Variants in TBC1D26 observed in about 807,000 individuals in gnomAD.
TBC1D26 encodes TBC1 domain family, member 26.
TBC1D26 carries 19 observed loss-of-function variants against 42.5 expected under a neutral mutation model. The ratio of observed to expected loss-of-function variants is 0.45; its 90% confidence interval spans 0.31 to 0.66. TBC1D26 has a LOEUF of 0.66. Among genes scored for constraint, TBC1D26 ranks in the 30% least tolerant of loss-of-function variants. The pLI, the probability that TBC1D26 is intolerant of heterozygous loss-of-function variation, is 0.06. For synonymous variants in TBC1D26, 97 were observed against 123.5 expected, an observed-to-expected ratio of 0.79 and a Z score of 1.42; for missense variants, 228 against 332.6, an observed-to-expected ratio of 0.69 and a Z score of 2.45.
intron 2 of TBC1D26, 25 bp from the exon 3 acceptor site, chr17:15,735,323 G>A: frequency 1.2e-6 from 2 of 1,613,060 alleles, no homozygotes; most frequent in Non-Finnish European, 1.7e-6. Context: ...GTGCGGGAGA[G>A]CCTTGGGATG....
intron 4 of TBC1D26, among the ~76,000 whole-genome samples, chr17:15,737,182 G>A (rs1204184793): frequency 2.6e-5 from 4 of 152,126 alleles, no homozygotes; most frequent in African/African-American, 4.8e-5. Flanking sequence ...CTTTCTTAGC[G>A]TCCACAGAGG....
intron 1 of TBC1D26, 76 bp downstream of exon 1, chr17:15,732,460 G>T (rs1367026065): frequency 6.8e-6 from 1 of 147,530 alleles, no homozygotes; most frequent in Non-Finnish European, 1.5e-5. Context: ...CTAGCCTCTG[G>T]GCAGGTGCCG....
intron 8 of TBC1D26, among the ~76,000 whole-genome samples, chr17:15,739,541 G>A (rs1397385062): frequency 1.3e-5 from 2 of 152,282 alleles, no homozygotes; most frequent in African/African-American, 4.8e-5. Flanking sequence ...AGGAACATGG[G>A]TGGATCTTAG....
intron 5 of TBC1D26, 123 bp downstream of exon 5, chr17:15,737,646 AGGGGTGGC>A (rs1327982579): frequency 1.8e-6 from 2 of 1,107,192 alleles, no homozygotes; most frequent in African/African-American, 3.2e-5. Context: ...TGTCACTGGG[AGGGGTGGC>A]CTTTCCTGCT....
At chr17:15,742,748 C>T (rs1267116134) in intron 12 of TBC1D26, among the ~76,000 whole-genome samples, 161 bp from the exon 13 acceptor site, 2 of 152,200 alleles carry the variant, frequency 1.3e-5, no homozygotes, top group African/African-American at 2.4e-5. Flanking sequence ...GAGTCCCTCA[C>T]AAGGAGCTAC....
At position 15,741,361 on chromosome 17, in the gene TBC1D26, C is replaced by T. The variant is rs184476888; in HGVS notation, c.646+140C>T. 1.0e-4 allele frequency: 150 copies of T among 1,480,006 alleles called. 1 individual carries two copies. The African/African-American group carries it at 1.7e-3, about 17-fold the overall frequency. The allele number at this position is 1,480,006 out of a possible 1,614,324, so 91.7% of individuals were successfully genotyped here. On this transcript the variant is annotated intron_variant, in intron 10 of 14. Transcript: ENST00000437605. ...TGTATCCCAGCTTGTTTGGAGCCTC[C>T]AGGATGTCCCTGCTGAGGTCCTACA...
chr17:15,735,308 CTT>C, intron 2 of TBC1D26, 38 bp from the exon 3 acceptor site: 1 of 1,598,078 alleles, frequency 6.3e-7, no homozygotes, highest in Non-Finnish European at 8.6e-7. Context: ...CTCTGGAGCT[CTT>C]GGGTGCGGGA....
chr17:15,741,032 G>A, intron 9 of TBC1D26, 90 bp from the exon 10 acceptor site: 2 of 1,555,096 alleles, frequency 1.3e-6, no homozygotes, highest in East Asian at 2.2e-5. Context: ...TGTCCCCAAA[G>A]ACCTGTGCCA....
intron 4 of TBC1D26, among the ~76,000 whole-genome samples, chr17:15,736,246 T>A (rs1177221310): frequency 2.0e-5 from 3 of 152,186 alleles, no homozygotes; most frequent in Non-Finnish European, 4.4e-5. Context: ...CCGGGAGTGG[T>A]GCAGGGAAGG....
rs780125299 is a variant in TBC1D26, at chr17:15,738,112, C to G, written c.279+35C>G. ...GGAGGAAGTGGCCCGCGTGACTGCTCTCTGCAGAGCCAGGAGACAGGCACC... is the reference window on the plus strand; with the variant it reads ...GGAGGAAGTGGCCCGCGTGACTGCTGTCTGCAGAGCCAGGAGACAGGCACC... On this transcript the variant is annotated intron_variant, in intron 6 of 14. Coordinates refer to ENST00000437605, the MANE Select transcript of TBC1D26 (RefSeq NM_001388465.1). The G allele has an allele frequency of 5.0e-6, 8 of 1,613,832 alleles. No homozygotes were observed. The South Asian group carries it at 8.8e-5, about 18-fold the overall frequency.
intron 13 of TBC1D26, among the ~76,000 whole-genome samples, 156 bp from the exon 14 acceptor site, chr17:15,743,211 C>T (rs1490467012): frequency 2.6e-5 from 4 of 152,224 alleles, no homozygotes; most frequent in Middle Eastern, 3.4e-3. Context: ...CCCTGCCCTG[C>T]CTTCCCCAAC....
In TBC1D26 at chr17:15,742,918, G is replaced by C. The variant is rs1327632850; in HGVS notation, c.817G>C (p.Gly273Arg). 4 of 154,908 alleles carry C rather than the reference G, an allele frequency of 2.6e-5. No individual in the cohort carries two copies. The highest frequency in any genetic ancestry group is 5.8e-5 in the Non-Finnish European group (4 of 69,524). 9.6% of individuals were successfully genotyped at this position (154,908 alleles called of 1,614,324 possible). A position where few individuals can be genotyped will look rare whatever the true frequency, so the allele number is the denominator to read the frequency against. ...LRCFLDGKSFGLTLRLWDVFI... is the reference protein window; with the variant it reads ...LRCFLDGKSFRLTLRLWDVFI... The stretch of plus-strand genomic sequence containing the variant: ...CTTGCTGTCCCCACAGAAATCCTTC[G>C]GGCTCACCCTGAGACTGTGGGATGT... Residue 273 changes from glycine to arginine, a missense_variant, in exon 13 of 15, where the codon GGG (glycine) becomes CGG (arginine). Gly to Arg is a moderately radical substitution (Grantham distance 125). This residue lies in a region of TBC1D26 where 130 missense variants were observed against 168.5 expected (regional missense o/e 0.77). Transcript: ENST00000437605.
intron 10 of TBC1D26, 131 bp downstream of exon 10, chr17:15,741,352 T>G (rs979568755): frequency 1.3e-6 from 2 of 1,528,060 alleles, no homozygotes; most frequent in Admixed American, 3.6e-5. Flanking sequence ...CCAGCTTGTT[T>G]GGAGCCTCCA....
intron 9 of TBC1D26, 171 bp from the exon 10 acceptor site, chr17:15,740,951 C>A: frequency 1.2e-6 from 1 of 836,084 alleles, no homozygotes; most frequent in Non-Finnish European, 1.8e-6. Flanking sequence ...GTGACCTGCT[C>A]AGTCCTCATG....
chr17:15,738,104 T>C (rs1362305343), intron 6 of TBC1D26, 27 bp downstream of exon 6: 1 of 1,614,032 alleles, frequency 6.2e-7, no homozygotes, highest in African/African-American at 1.3e-5. Context: ...GTGGCCCGCG[T>C]GACTGCTCTC....
At position 15,735,471 on chromosome 17, in the gene TBC1D26, C is replaced by T. The variant is rs369260191; in HGVS notation, c.75+48C>T. 5.6e-4 allele frequency: 874 copies of T among 1,568,264 alleles called. 3 individuals carry two copies. The East Asian group carries it at 8.5e-3, about 15-fold the overall frequency. Reference sequence around the variant, plus strand: ...AAGGGAAGCAGGGCCTCGCCTCTCCCGCTGTGCCCTGGTCACAGGGTCCTG... The same window carrying T: ...AAGGGAAGCAGGGCCTCGCCTCTCCTGCTGTGCCCTGGTCACAGGGTCCTG... On this transcript the variant is annotated intron_variant, in intron 3 of 14. Transcript: ENST00000437605.
chr17:15,741,078 T>C (rs7222367), intron 9 of TBC1D26, 44 bp from the exon 10 acceptor site: 323,009 of 1,600,714 alleles, frequency 0.2, 34,157 homozygotes, highest in East Asian at 0.34. Flanking sequence ...GTGGCCTCAG[T>C]CCTCCTAGGT....
In TBC1D26 at chr17:15,732,576, G is replaced by A. The variant is rs560145069; in HGVS notation, c.-143+192G>A. ...AATGTACCCATTCCACAAGTGAGAT[G>A]TCTAGGGTCAGAGAGGAGGTGACTG... On this transcript the variant is annotated intron_variant, in intron 1 of 14. Coordinates refer to ENST00000437605, the MANE Select transcript of TBC1D26 (RefSeq NM_001388465.1). 6.0e-3 allele frequency among the ~76,000 whole-genome samples: 912 copies of A among 150,806 alleles called. 9 individuals are homozygous for A. The highest frequency in any genetic ancestry group is 0.021 in the African/African-American group (865 of 40,958).
chr17:15,736,853 C>T (rs1254366755), intron 4 of TBC1D26, among the ~76,000 whole-genome samples: 3 of 152,282 alleles, frequency 2.0e-5, no homozygotes, highest in Non-Finnish European at 4.4e-5. Context: ...TCTGAAAGGA[C>T]AAGGGTCACA....
Sources: gnomAD v4.1 joint callset for allele counts (sites outside exome capture counted in the v4.1 genomes callset) on GRCh38, gnomAD v4.1.1 for gene constraint, gnomAD v4.1.1 regional missense constraint, MANE v1.5 for transcripts, NCBI Gene and HGNC (gene_info 2026-07-23, HGNC 2026-07-21) for gene names.